The following KLRG1 variants were observed in gnomAD, a reference collection of about 807,000 sequenced individuals.
KLRG1 encodes killer cell lectin like receptor G1.
A neutral mutation model predicts 21.8 loss-of-function variants in KLRG1; 16 were observed. That is an observed-to-expected ratio of 0.73 (90% CI 0.50 to 1.11). The LOEUF is 1.11. KLRG1 is among the 50% of genes most tolerant of loss of function. The pLI is 0.00. For synonymous variants in KLRG1, 69 were observed against 75.9 expected (o/e 0.91, Z 0.47); for missense variants, 173 against 218.3 (o/e 0.79, Z 1.31).
the KLRG1 span, chr12:9,154,875 T>C: frequency 6.4e-7 from 1 of 1,556,068 alleles, no homozygotes; most frequent in Non-Finnish European, 8.8e-7. Flanking sequence ...TTGTAACTCA[T>C]CAATAAGTAA....
chr12:9,203,364 C>T, the KLRG1 span, among the ~76,000 whole-genome samples: 8 of 107,792 alleles, frequency 7.4e-5, no homozygotes, highest in African/African-American at 1.7e-4. Flanking sequence ...TTTTTTGAGA[C>T]GGAGTCTCGC....
chr12:9,196,397 A>G, the KLRG1 span: 2 of 1,613,850 alleles, frequency 1.2e-6, no homozygotes, highest in East Asian at 2.2e-5. Flanking sequence ...TTTGGATACA[A>G]TGTTTGTGAT....
chr12:8,966,620 C>G (rs1946477428), intron 1 of KLRG1, among the ~76,000 whole-genome samples: 1 of 152,032 alleles, frequency 6.6e-6, no homozygotes, highest in South Asian at 2.1e-4. Flanking sequence ...AAATGCAAAT[C>G]AAAACCACAA....
chr12:9,191,352 T>G, the KLRG1 span, among the ~76,000 whole-genome samples: 1 of 152,100 alleles, frequency 6.6e-6, no homozygotes, highest in African/African-American at 2.4e-5. Flanking sequence ...TACACTAGTA[T>G]TGGGAAAAAA....
At chr12:9,125,270 C>G in the KLRG1 span, among the ~76,000 whole-genome samples, 2 of 152,176 alleles carry the variant, frequency 1.3e-5, no homozygotes, top group Non-Finnish European at 2.9e-5. Context: ...TTTAGTAAAG[C>G]TCATCTTCAT....
At chr12:9,043,751 T>C in the KLRG1 span, among the ~76,000 whole-genome samples, 1 of 152,248 alleles carries the variant, frequency 6.6e-6, no homozygotes, top group African/African-American at 2.4e-5. Flanking sequence ...ACTAATCAAA[T>C]GTAATGGAAG....
the KLRG1 span, among the ~76,000 whole-genome samples, chr12:9,144,230 G>T: frequency 6.6e-6 from 1 of 152,146 alleles, no homozygotes; most frequent in Non-Finnish European, 1.5e-5. Context: ...GAGGGAGGAG[G>T]AGGGGACAAG....
At chr12:9,023,230 T>C in the KLRG1 span, among the ~76,000 whole-genome samples, 3 of 152,184 alleles carry the variant, frequency 2.0e-5, no homozygotes, top group African/African-American at 7.2e-5. Context: ...AGGTAGATAG[T>C]ATCGGAATTG....
chr12:9,020,212 C>T, the KLRG1 span, among the ~76,000 whole-genome samples: 5 of 152,066 alleles, frequency 3.3e-5, no homozygotes, highest in African/African-American at 1.2e-4. Context: ...ATGCCTGGCA[C>T]TTCTTCCTTT....
At chr12:9,150,516 A>T in the KLRG1 span, 1 of 627,878 alleles carries the variant, frequency 1.6e-6, no homozygotes, top group Non-Finnish European at 2.7e-6. Context: ...TCGTTTTTAT[A>T]GTGTACATCT....
At chr12:9,142,485 C>G in the KLRG1 span, among the ~76,000 whole-genome samples, 2 of 152,306 alleles carry the variant, frequency 1.3e-5, no homozygotes, top group Non-Finnish European at 2.9e-5. Context: ...TCTAATTTTA[C>G]TGTGCCAGTA....
chr12:9,108,101 TTATTTTATTTTA>T, the KLRG1 span, among the ~76,000 whole-genome samples: 1 of 24,648 alleles, frequency 4.1e-5, no homozygotes, highest in East Asian at 4.2e-4. Context: ...TTTCACTTGT[TTATTTTATTTTA>T]TTTTATTTTA....
the KLRG1 span, among the ~76,000 whole-genome samples, chr12:9,171,227 T>G: frequency 6.6e-6 from 1 of 152,174 alleles, no homozygotes; most frequent in Non-Finnish European, 1.5e-5. Flanking sequence ...AACTGGGGTC[T>G]GGAGTGGACC....
chr12:9,000,004 C>T (rs1018627159), intron 3 of KLRG1, among the ~76,000 whole-genome samples: 3 of 151,836 alleles, frequency 2.0e-5, no homozygotes, highest in Non-Finnish European at 4.4e-5. Flanking sequence ...CACTGCACTC[C>T]AGCCTGAGAG....
At chr12:9,174,100 C>G in the KLRG1 span, among the ~76,000 whole-genome samples, 1 of 152,176 alleles carries the variant, frequency 6.6e-6, no homozygotes, top group Non-Finnish European at 1.5e-5. Context: ...CAAACCAAAT[C>G]CAGCAGCACG....
At chr12:9,056,564 G>GTGTGT in the KLRG1 span, among the ~76,000 whole-genome samples, 84 of 96,156 alleles carry the variant, frequency 8.7e-4, no homozygotes, top group African/African-American at 2.8e-3. Context: ...TTACTTGGGG[G>GTGTGT]GTGTGTGTGT....
At chr12:9,146,637 C>G in the KLRG1 span, among the ~76,000 whole-genome samples, 79 of 140,214 alleles carry the variant, frequency 5.6e-4, no homozygotes, top group Non-Finnish European at 3.3e-5. Flanking sequence ...ACAGACTAGT[C>G]TTGTATAGGA....
At chr12:9,080,058 G>A in the KLRG1 span, 5 of 1,367,926 alleles carry the variant, frequency 3.7e-6, no homozygotes, top group African/African-American at 5.9e-5. Context: ...AATAGAAGCT[G>A]TTAATGCCCG....
At chr12:9,050,510 C>T in the KLRG1 span, among the ~76,000 whole-genome samples, 1 of 152,204 alleles carries the variant, frequency 6.6e-6, no homozygotes, top group African/African-American at 2.4e-5. Context: ...TCCTCCAAAC[C>T]TCAGCTGCAG....
Sources: gnomAD v4.1 joint callset for allele counts (sites outside exome capture counted in the v4.1 genomes callset) on GRCh38, gnomAD v4.1.1 for gene constraint, MANE v1.5 for transcripts, NCBI Gene and HGNC (gene_info 2026-07-23, HGNC 2026-07-21) for gene names.